Variants in FSTL4 observed in about 807,000 individuals in gnomAD.
FSTL4 encodes follistatin-related protein 4.
Under a neutral mutation model 78.2 loss-of-function variants are expected in FSTL4, and 28 were observed. The observed-to-expected ratio is 0.36, with a 90% CI of 0.27 to 0.49. The LOEUF is 0.49. FSTL4 is among the 20% of genes least tolerant of loss of function. The probability of loss-of-function intolerance (pLI) is 0.98; values close to 1 mark genes in which losing one functional copy is unlikely to be tolerated. For missense variants in FSTL4, 922 were observed against 1,084.9 expected (o/e 0.85, Z 2.11); for synonymous variants, 422 against 440.5 (o/e 0.96, Z 0.53).
At chr5:133,298,822 A>G (rs77913447) in intron 6 of FSTL4, among the ~76,000 whole-genome samples, 3,691 of 152,292 alleles carry the variant, frequency 0.024, 137 homozygotes, top group African/African-American at 0.079. Context: ...GCATCAGAAC[A>G]TCTTCATCTG....
chr5:133,693,923 A>G, the FSTL4 span, among the ~76,000 whole-genome samples: 1 of 152,120 alleles, frequency 6.6e-6, no homozygotes, highest in Non-Finnish European at 1.5e-5. Context: ...ACCCACATTG[A>G]AGGCAATTCT....
At chr5:133,205,329 A>G (rs2126764288) in intron 14 of FSTL4, among the ~76,000 whole-genome samples, 1 of 152,262 alleles carries the variant, frequency 6.6e-6, no homozygotes, top group Admixed American at 6.5e-5. Flanking sequence ...CATCCTGGGA[A>G]TGTGTTCCCT....
rs75625140 is a variant in FSTL4, at chr5:133,249,625, G to T, written c.728-49C>A. 9.7e-3 allele frequency: 14,506 copies of T among 1,489,332 alleles called. 496 individuals carry two copies. In the African/African-American group the frequency reaches 0.11, roughly 11 times the overall value. The allele number at this position is 1,489,332 out of a possible 1,614,324, so 92.3% of individuals were successfully genotyped here. A position where few individuals can be genotyped will look rare whatever the true frequency, so the allele number is the denominator to read the frequency against. On this transcript the variant is annotated intron_variant, in intron 6 of 15. Coordinates refer to ENST00000265342, the MANE Select transcript of FSTL4 (RefSeq NM_015082.2). ...CGGTCAGGTGCAGGCCCAGGGATTG[G>T]AGTCTCAACTCAAGGTGAATAGCCA...
the FSTL4 span, among the ~76,000 whole-genome samples, chr5:133,628,193 A>T: frequency 6.6e-6 from 1 of 152,174 alleles, no homozygotes; most frequent in Non-Finnish European, 1.5e-5. Flanking sequence ...CTAACATCAC[A>T]ATTAAAAGAA....
chr5:133,675,873 G>A, the FSTL4 span, among the ~76,000 whole-genome samples: 1 of 152,174 alleles, frequency 6.6e-6, no homozygotes. Context: ...CCTGAGGCTA[G>A]CCAGGGGAAG....
At chr5:133,631,729 C>A in the FSTL4 span, among the ~76,000 whole-genome samples, 2 of 152,148 alleles carry the variant, frequency 1.3e-5, no homozygotes, top group African/African-American at 2.4e-5. Context: ...TTCACAATAG[C>A]AAATACTTGA....
chr5:133,519,039 T>C (rs1387375198), intron 3 of FSTL4, among the ~76,000 whole-genome samples: 1 of 152,170 alleles, frequency 6.6e-6, no homozygotes, highest in Admixed American at 6.5e-5. Flanking sequence ...GTATGAGACC[T>C]GAAGGGAAGA....
chr5:133,585,103 G>A (rs1760505299), intron 2 of FSTL4, among the ~76,000 whole-genome samples: 1 of 76,228 alleles, frequency 1.3e-5, no homozygotes, highest in Non-Finnish European at 2.7e-5. Context: ...TCACCACCAG[G>A]CCTGCCCTAA....
chr5:133,294,466 C>T (rs2126871636), intron 6 of FSTL4, among the ~76,000 whole-genome samples: 1 of 152,332 alleles, frequency 6.6e-6, no homozygotes, highest in African/African-American at 2.4e-5. Context: ...ACGTGCCACC[C>T]ACCGCCCCTC....
At chr5:133,703,880 G>C in the FSTL4 span, among the ~76,000 whole-genome samples, 1 of 152,202 alleles carries the variant, frequency 6.6e-6, no homozygotes, top group Non-Finnish European at 1.5e-5. Context: ...GCCACTCCAG[G>C]ACATGCAGCT....
the FSTL4 span, among the ~76,000 whole-genome samples, chr5:133,729,756 G>A: frequency 6.6e-6 from 1 of 152,128 alleles, no homozygotes; most frequent in African/African-American, 2.4e-5. Context: ...AATTTCAAGA[G>A]TATAAGATTC....
At chr5:133,209,448 T>C (rs188090542) in intron 14 of FSTL4, among the ~76,000 whole-genome samples, 24 of 152,302 alleles carry the variant, frequency 1.6e-4, no homozygotes, top group Non-Finnish European at 2.2e-4. Context: ...ATGTAATGAA[T>C]TAACTTTTCT....
chr5:133,238,583 C>T (rs1432499620), intron 7 of FSTL4, among the ~76,000 whole-genome samples: 4 of 152,346 alleles, frequency 2.6e-5, no homozygotes, highest in African/African-American at 9.6e-5. Flanking sequence ...TGCGAGTGTG[C>T]ACATGTGGGT....
rs747401756 is a variant in FSTL4, at chr5:133,533,669, C to T, written c.160+33517G>A. On this transcript the variant is annotated intron_variant, in intron 3 of 15. Transcript: ENST00000265342. Reference sequence around the variant, plus strand: ...TGCTTTGGGCAGGACAGACCTTCAGCAAAACCTAGTGAGGAGCGGAACAAA... The same window carrying T: ...TGCTTTGGGCAGGACAGACCTTCAGTAAAACCTAGTGAGGAGCGGAACAAA... 3.9e-5 allele frequency among the ~76,000 whole-genome samples: 6 copies of T among 152,330 alleles called. 1 individual carries two copies. Among genetic ancestry groups the T allele is most frequent in the Non-Finnish European group, 5.9e-5 (4 of 68,024 alleles).
chr5:133,404,972 C>T (rs575952789), intron 3 of FSTL4, among the ~76,000 whole-genome samples: 44 of 152,224 alleles, frequency 2.9e-4, no homozygotes, highest in Non-Finnish European at 2.1e-4. Flanking sequence ...GGAAAACCCA[C>T]GAGCTCTTCC....
intron 3 of FSTL4, among the ~76,000 whole-genome samples, chr5:133,479,128 C>T (rs1014845406): frequency 4.6e-5 from 7 of 152,136 alleles, no homozygotes; most frequent in Non-Finnish European, 1.0e-4. Flanking sequence ...ATTTGATTTC[C>T]TTCCCAGCAC....
the FSTL4 span, among the ~76,000 whole-genome samples, chr5:133,700,726 T>A: frequency 1.3e-5 from 2 of 152,344 alleles, no homozygotes; most frequent in South Asian, 4.1e-4. Context: ...CCATGTGACC[T>A]CTCAGGGCCT....
the FSTL4 span, among the ~76,000 whole-genome samples, chr5:133,770,081 T>C: frequency 2.6e-5 from 4 of 152,062 alleles, no homozygotes; most frequent in East Asian, 5.8e-4. Context: ...TGTGTGGGTG[T>C]GTTTGTGTGT....
At chr5:133,539,221 T>C (rs1759418070) in intron 3 of FSTL4, among the ~76,000 whole-genome samples, 1 of 152,180 alleles carries the variant, frequency 6.6e-6, no homozygotes, top group Non-Finnish European at 1.5e-5. Context: ...GAGATATTGC[T>C]GCTGCCATCT....
Sources: allele counts gnomAD v4.1 joint callset (sites outside exome capture counted in the v4.1 genomes callset), GRCh38; gene constraint gnomAD v4.1.1; transcripts MANE v1.5; gene names NCBI Gene and HGNC (gene_info 2026-07-23, HGNC 2026-07-21).